Variants in E4F1 observed in about 807,000 individuals in gnomAD.
E4F1 encodes transcription factor E4F1.
In E4F1, 30 loss-of-function variants were observed where a neutral mutation model predicts 72.9. The ratio of observed to expected loss-of-function variants is 0.41; its 90% CI spans 0.31 to 0.56. The LOEUF is 0.56. Among genes scored for constraint, E4F1 ranks in the 20% least tolerant of loss-of-function variants. E4F1 has a pLI of 0.25. For missense variants in E4F1, 1,091 were observed against 1,117.5 expected (o/e 0.98, Z 0.34); for synonymous variants, 542 against 478.2 (o/e 1.13, Z -1.74).
chr16:2,227,798 G>A (rs1035485237), intron 1 of E4F1, among the ~76,000 whole-genome samples: 6 of 150,802 alleles, frequency 4.0e-5, no homozygotes, highest in Admixed American at 4.0e-4. Flanking sequence ...ACCACACCCA[G>A]CCTAAATGTT....
Position 2,235,197 on chromosome 16 carries a change from C to T in E4F1, c.1999-19C>T. 1.2e-6 allele frequency: 2 copies of T among 1,609,582 alleles called. No individual in the cohort carries two copies. Among genetic ancestry groups the T allele is most frequent in the Non-Finnish European group, 1.7e-6 (2 of 1,178,842 alleles). On this transcript the variant is annotated intron_variant, in intron 13 of 13. Transcript: ENST00000301727. ...AGGCTCCCTGGCACAGCCGCTCTTG[C>T]TGAGCCGTGGCCCTGCAGGTGGACA...
intron 3 of E4F1, 148 bp from the exon 4 acceptor site, chr16:2,232,023 G>A (rs2093470480): frequency 7.3e-6 from 7 of 958,844 alleles, no homozygotes; most frequent in Non-Finnish European, 1.1e-5. Flanking sequence ...GACCTTGGCT[G>A]TTGCTCGGAC....
chr16:2,234,566 G>T lies in E4F1; in HGVS notation c.1594-17G>T. 6.4e-7 allele frequency: 1 copy of T among 1,568,196 alleles called. No homozygotes were observed. Among genetic ancestry groups the T allele is most frequent in the South Asian group, 1.2e-5 (1 of 86,582 alleles). ...TTGTGGCCAAGGCCAGGCTGGCACTGACAGGTGTCTCCACAGAACGCACAG... is the reference window on the plus strand; with the variant it reads ...TTGTGGCCAAGGCCAGGCTGGCACTTACAGGTGTCTCCACAGAACGCACAG... On this transcript the variant is annotated splice_polypyrimidine_tract_variant and intron_variant, in intron 10 of 13. Transcript: ENST00000301727.
In E4F1 at chr16:2,234,290, C is replaced by A. The variant is rs374527304; in HGVS notation, c.1495C>A (p.Leu499Ile). ...CTTCCGCTGTGGCGACTGCGGGAAG[C>A]TCTACAAGACCATTGCCCATGTGCG... ...RRFRCGDCGKLYKTIAHVRGH... is the reference protein window; with the variant it reads ...RRFRCGDCGKIYKTIAHVRGH... Residue 499 changes from leucine to isoleucine, a missense_variant, in exon 10 of 14, where the codon CTC becomes ATC. By Grantham distance (5) the Leu-to-Ile change is conservative. Transcript: ENST00000301727. The A allele has an allele frequency of 6.2e-7, 1 of 1,612,866 alleles. No individual in the cohort carries two copies. The highest frequency in any genetic ancestry group is 8.5e-7 in the Non-Finnish European group (1 of 1,180,002).
In E4F1 at chr16:2,234,250, C is replaced by T. The variant is rs780721615; in HGVS notation, c.1455C>T (p.His485=). The T allele has an allele frequency of 3.9e-5, 63 of 1,612,772 alleles. No homozygotes were observed. In the East Asian group the frequency reaches 4.2e-4, roughly 11 times the overall value. Residue 485 remains histidine (H), a synonymous_variant, in exon 10 of 14, where the codon CAC becomes CAT. Coordinates refer to ENST00000301727, the MANE Select transcript of E4F1 (RefSeq NM_004424.5). ...TGCTCAAGAAGCACCAGGAGGTGCA[C>T]GTGCGTGAGCGCCGCTTCCGCTGTG... ...AYLLKKHQEV[H]VRERRFRCGD...
At position 2,232,439 on chromosome 16, in the gene E4F1, C is replaced by T. The variant is rs2093473309; in HGVS notation, c.610-17C>T. 3 of 1,608,758 alleles carry T rather than the reference C, an allele frequency of 1.9e-6. No homozygotes were observed. In the East Asian group the frequency reaches 6.7e-5, roughly 36 times the overall value. ...TTCCCCCAGGAGGGCCCTGAGCTGC[C>T]ACGCCCTCCCCCACAGGGCAGCATC... On this transcript the variant is annotated splice_polypyrimidine_tract_variant and intron_variant, in intron 4 of 13. Coordinates refer to ENST00000301727, the MANE Select transcript of E4F1 (RefSeq NM_004424.5).
chr16:2,232,433 A>G (rs1234674005), intron 4 of E4F1, 23 bp from the exon 5 acceptor site: 1 of 1,607,562 alleles, frequency 6.2e-7, no homozygotes, highest in Admixed American at 1.7e-5. Context: ...GAGGGCCCTG[A>G]GCTGCCACGC....
At chr16:2,230,096 C>T (rs537851333) in intron 3 of E4F1, 4 of 213,412 alleles carry the variant, frequency 1.9e-5, no homozygotes, top group East Asian at 2.2e-4. Flanking sequence ...ACAGGGTGGA[C>T]GGGACTCTCC....
chr16:2,231,341 C>G (rs11648028), intron 3 of E4F1: 1 of 152,352 alleles, frequency 6.6e-6, no homozygotes, highest in African/African-American at 2.4e-5. Flanking sequence ...TCAGAGGCCT[C>G]TGTCCTTTGG....
chr16:2,223,936 T>A (rs2093414699), intron 1 of E4F1, 166 bp downstream of exon 1: 1 of 1,528,766 alleles, frequency 6.5e-7, no homozygotes, highest in African/African-American at 1.4e-5. Context: ...CCAGGTTTGC[T>A]GCGACCCTCA....
rs1233180762 is a variant in E4F1 at position 2,235,351 on chromosome 16, A to G, written c.2134A>G (p.Thr712Ala). Residue 712 changes from threonine to alanine, a missense_variant, in exon 14 of 14, where the codon ACC becomes GCC. This residue lies in a region of E4F1 where 622 missense variants were observed against 628.0 expected (regional missense o/e 0.99). Coordinates refer to ENST00000301727, the MANE Select transcript of E4F1 (RefSeq NM_004424.5). ...GPEAAAADTI[T>A]IATPESLTEQ... The stretch of plus-strand genomic sequence containing the variant: ...AGAGGCGGCTGCCGCCGACACCATC[A>G]CCATCGCCACCCCCGAGAGCCTGAC... 1.2e-6 allele frequency: 2 copies of G among 1,609,848 alleles called. No homozygotes were observed. The highest frequency in any genetic ancestry group is 1.7e-5 in the Admixed American group (1 of 59,978).
intron 2 of E4F1, among the ~76,000 whole-genome samples, chr16:2,229,002 C>T (rs112564078): frequency 1.1e-4 from 16 of 152,356 alleles, no homozygotes; most frequent in African/African-American, 3.8e-4. Flanking sequence ...CACGCCGCAG[C>T]GGGCGCTTGT....
In E4F1 at chr16:2,234,327, G is replaced by C; in HGVS notation, c.1532G>C (p.Arg511Pro). The C allele has an allele frequency of 1.2e-6, 2 of 1,612,980 alleles. No homozygotes were observed. The highest frequency in any genetic ancestry group is 1.7e-6 in the Non-Finnish European group (2 of 1,180,000). ...KTIAHVRGHRRVHSDERPYPC... is the reference protein window; with the variant it reads ...KTIAHVRGHRPVHSDERPYPC... ...ATTGCCCATGTGCGTGGCCACCGGC[G>C]CGTCCACTCAGACGAGCGGCCCTAC... Residue 511 changes from arginine (R) to proline (P), a missense_variant, in exon 10 of 14, where the codon CGC becomes CCC. Transcript: ENST00000301727.
rs1298533547 is a variant in E4F1, at chr16:2,234,320, C to T, written c.1525C>T (p.His509Tyr). ...LYKTIAHVRG[H>Y]RRVHSDERPY... ...CAAGACCATTGCCCATGTGCGTGGC[C>T]ACCGGCGCGTCCACTCAGACGAGCG... The change falls in exon 10 of 14, where the codon CAC (histidine) becomes TAC (tyrosine). Residue 509 changes from histidine to tyrosine, a missense_variant. This residue lies in a region of E4F1 where 622 missense variants were observed against 628.0 expected (regional missense o/e 0.99). Transcript: ENST00000301727. 3.1e-6 allele frequency: 5 copies of T among 1,612,984 alleles called. No individual in the cohort carries two copies. The highest frequency in any genetic ancestry group is 4.2e-6 in the Non-Finnish European group (5 of 1,179,996).
At chr16:2,229,754 T>A in intron 3 of E4F1, 79 bp downstream of exon 3, 1 of 1,478,416 alleles carries the variant, frequency 6.8e-7, no homozygotes, top group African/African-American at 1.4e-5. Context: ...GCTGCCTGTA[T>A]GCTCGTCTCT....
chr16:2,227,345 G>A (rs2093437899), intron 1 of E4F1, among the ~76,000 whole-genome samples: 1 of 152,054 alleles, frequency 6.6e-6, no homozygotes, highest in African/African-American at 2.4e-5. Flanking sequence ...GAATAGCTGG[G>A]ATTACAGGCA....
intron 1 of E4F1, 78 bp from the exon 2 acceptor site, chr16:2,228,294 C>G: frequency 6.3e-7 from 1 of 1,580,864 alleles, no homozygotes; most frequent in Non-Finnish European, 8.6e-7. Flanking sequence ...TGTTCTAGGG[C>G]TGGAGGAAAA....
intron 3 of E4F1, chr16:2,231,517 A>T (rs1408029930): frequency 1.3e-5 from 2 of 152,336 alleles, no homozygotes; most frequent in Non-Finnish European, 2.9e-5. Flanking sequence ...GCTGTTTCCC[A>T]CTTGTCATCT....
intron 3 of E4F1, chr16:2,231,951 G>A: frequency 3.4e-6 from 2 of 592,272 alleles, no homozygotes; most frequent in Middle Eastern, 4.6e-4. Context: ...GCATCTCTGG[G>A]CAGCCTGACA....
Sources: gnomAD v4.1 joint callset for allele counts (sites outside exome capture counted in the v4.1 genomes callset) on GRCh38, gnomAD v4.1.1 for gene constraint, gnomAD v4.1.1 regional missense constraint, MANE v1.5 for transcripts, NCBI Gene and HGNC (gene_info 2026-07-23, HGNC 2026-07-21) for gene names.